ATP13A5: variants seen among roughly 807,000 people sequenced by gnomAD.
ATP13A5 encodes ATPase 13A5, also known as probable cation-transporting ATPase 13A5.
ATP13A5 carries 149 observed loss-of-function variants against 150.2 expected under a neutral mutation model. The ratio of observed to expected loss-of-function variants is 0.99; its 90% confidence interval spans 0.87 to 1.14. ATP13A5 has a LOEUF of 1.14. ATP13A5 is among the 50% of genes most tolerant of loss of function. The pLI is 0.00. For synonymous variants in ATP13A5, 497 were observed against 522.2 expected (o/e 0.95, Z 0.66); for missense variants, 1,383 against 1,449.3 (o/e 0.95, Z 0.74).
intron 1 of ATP13A5, among the ~76,000 whole-genome samples, chr3:193,375,160 A>C (rs1713594041): frequency 6.6e-6 from 1 of 152,206 alleles, no homozygotes; most frequent in African/African-American, 2.4e-5. Context: ...GTATTTCTCA[A>C]ACCTGATAGG....
intron 13 of ATP13A5, among the ~76,000 whole-genome samples, chr3:193,326,467 C>T (rs1227686090): frequency 6.6e-6 from 1 of 152,186 alleles, no homozygotes; most frequent in East Asian, 1.9e-4. Flanking sequence ...CTTTGATTCA[C>T]TAAATTTCAA....
intron 12 of ATP13A5, among the ~76,000 whole-genome samples, chr3:193,330,494 G>T (rs538385801): frequency 3.3e-4 from 51 of 152,372 alleles, no homozygotes; most frequent in African/African-American, 1.2e-3. Context: ...CTGAGGGCAG[G>T]ATCCAAATAG....
At chr3:193,321,885 T>G (rs1245643794) in intron 15 of ATP13A5, 48 bp from the exon 16 acceptor site, 3 of 1,596,722 alleles carry the variant, frequency 1.9e-6, no homozygotes, top group Non-Finnish European at 2.6e-6. Flanking sequence ...CTAAGTGATA[T>G]TTCCAAATGC....
rs373425517 is a variant in ATP13A5, at chr3:193,334,924, C to T, written c.1114+5G>A. 72 of 1,611,714 alleles carry T rather than the reference C, an allele frequency of 4.5e-5. No homozygotes were observed. Among genetic ancestry groups the T allele is most frequent in the Non-Finnish European group, 5.9e-5 (70 of 1,178,596 alleles). ...ATTAAACTTACAAAAGTGGAATCCA[C>T]TAACCTGTTTGCAAAACGACTGCTC... On this transcript the variant is annotated splice_donor_5th_base_variant and intron_variant, in intron 10 of 29. Coordinates refer to ENST00000342358, the MANE Select transcript of ATP13A5 (RefSeq NM_198505.4).
chr3:193,310,575 A>G (rs1460712821), intron 21 of ATP13A5, 63 bp downstream of exon 21: 2 of 1,324,054 alleles, frequency 1.5e-6, no homozygotes, highest in Non-Finnish European at 2.1e-6. Flanking sequence ...TCACACCTGA[A>G]TTATTGACCC....
At chr3:193,370,058 C>T (rs144109436) in intron 1 of ATP13A5, among the ~76,000 whole-genome samples, 229 of 152,262 alleles carry the variant, frequency 1.5e-3, no homozygotes, top group African/African-American at 5.3e-3. Context: ...AGTTGAATAG[C>T]ACAGAAATTG....
rs1388586967 is a variant in ATP13A5 at position 193,363,309 on chromosome 3, T to C, written c.311A>G (p.Lys104Arg). ...YLSTLKFPVS[K>R]KWEESLVADR... ...AGCCACCAGGGATTCTTCCCACTTC[T>C]TGCTTACAGGAAACTTCAGTGTGGA... Residue 104 changes from lysine to arginine, a missense_variant, in exon 3 of 30, where the codon AAG (lysine) becomes AGG (arginine). Coordinates refer to ENST00000342358, the MANE Select transcript of ATP13A5 (RefSeq NM_198505.4). 3 of 1,614,004 alleles carry C rather than the reference T, an allele frequency of 1.9e-6. No individual in the cohort carries two copies. The highest frequency in any genetic ancestry group is 2.5e-6 in the Non-Finnish European group (3 of 1,179,872).
intron 25 of ATP13A5, among the ~76,000 whole-genome samples, chr3:193,294,221 A>G (rs746737402): frequency 7.3e-6 from 1 of 136,792 alleles, no homozygotes; most frequent in Non-Finnish European, 1.6e-5. Flanking sequence ...ACCTGGAAAT[A>G]AAGAAAGTGA....
chr3:193,298,332 A>G (rs1376686104), intron 25 of ATP13A5, among the ~76,000 whole-genome samples: 1 of 152,172 alleles, frequency 6.6e-6, no homozygotes, highest in Non-Finnish European at 1.5e-5. Flanking sequence ...AACTATGAAT[A>G]GACATTTCAA....
At chr3:193,294,776 C>T (rs1718097205) in intron 25 of ATP13A5, among the ~76,000 whole-genome samples, 2 of 152,082 alleles carry the variant, frequency 1.3e-5, no homozygotes, top group Admixed American at 6.6e-5. Flanking sequence ...GTTGAAAATA[C>T]ATTTATGCTG....
chr3:193,324,718 C>A lies in ATP13A5; in HGVS notation c.1674+146G>T. ...CCATTAACAGAATTCTTTGGGGGCA[C>A]AGGTTGGGAAGTTCTGGTAGTGTTA... On this transcript the variant is annotated intron_variant, in intron 14 of 29. Transcript: ENST00000342358. The A allele has an allele frequency of 3.7e-6, 3 of 814,126 alleles. No individual in the cohort carries two copies. In the South Asian group the frequency reaches 6.6e-5, roughly 18 times the overall value. 50.4% of individuals were successfully genotyped at this position (814,126 alleles called of 1,614,324 possible). A position where few individuals can be genotyped will look rare whatever the true frequency, so the allele number is the denominator to read the frequency against.
At chr3:193,313,893 G>T in intron 19 of ATP13A5, 140 bp downstream of exon 19, 1 of 996,954 alleles carries the variant, frequency 1.0e-6, no homozygotes, top group Non-Finnish European at 1.4e-6. Context: ...TGGCAGAAAT[G>T]CTTTGCAAAC....
chr3:193,331,320 G>A lies in ATP13A5; in HGVS notation c.1273-9C>T. The A allele has an allele frequency of 6.2e-7, 1 of 1,610,044 alleles. No individual in the cohort carries two copies. Among genetic ancestry groups the A allele is most frequent in the East Asian group, 2.2e-5 (1 of 44,814 alleles). Reference sequence around the variant, plus strand: ...GTATCTTTTGGAGGAACCTGGGAGAGGACAGACATTTTCATACAGGATAGC... The same window carrying A: ...GTATCTTTTGGAGGAACCTGGGAGAAGACAGACATTTTCATACAGGATAGC... On this transcript the variant is annotated splice_polypyrimidine_tract_variant and intron_variant, in intron 11 of 29. Coordinates refer to ENST00000342358, the MANE Select transcript of ATP13A5 (RefSeq NM_198505.4).
chr3:193,366,051 G>A (rs1034617012), intron 1 of ATP13A5, among the ~76,000 whole-genome samples: 9 of 151,960 alleles, frequency 5.9e-5, no homozygotes, highest in African/African-American at 2.2e-4. Flanking sequence ...CATATACAAC[G>A]TTCAGTGCAG....
At chr3:193,325,943 C>T (rs1719452167) in intron 13 of ATP13A5, among the ~76,000 whole-genome samples, 1 of 152,144 alleles carries the variant, frequency 6.6e-6, no homozygotes, top group Non-Finnish European at 1.5e-5. Flanking sequence ...CAATAGATTC[C>T]TTGCCTGTCT....
chr3:193,284,820 C>T (rs896699857), intron 27 of ATP13A5, 94 bp downstream of exon 27: 2 of 1,056,334 alleles, frequency 1.9e-6, no homozygotes, highest in Non-Finnish European at 2.7e-6. Flanking sequence ...TTGTTTCTTC[C>T]TCAGCCCATC....
chr3:193,365,542 T>A (rs996367137), intron 1 of ATP13A5, among the ~76,000 whole-genome samples: 7 of 152,166 alleles, frequency 4.6e-5, no homozygotes, highest in Non-Finnish European at 1.0e-4. Context: ...GCTTTAGTTT[T>A]ATTTGTGAAT....
At chr3:193,292,926 T>C (rs1196750688) in intron 25 of ATP13A5, among the ~76,000 whole-genome samples, 2 of 152,262 alleles carry the variant, frequency 1.3e-5, no homozygotes, top group East Asian at 3.9e-4. Flanking sequence ...TATACCTGAT[T>C]ATAAATAAAA....
At position 193,311,944 on chromosome 3, in the gene ATP13A5, A is replaced by G; in HGVS notation, c.2320-3T>C. The G allele has an allele frequency of 1.2e-6, 2 of 1,613,544 alleles. No individual in the cohort carries two copies. Among genetic ancestry groups the G allele is most frequent in the Non-Finnish European group, 1.7e-6 (2 of 1,179,678 alleles). On this transcript the variant is annotated splice_region_variant and splice_polypyrimidine_tract_variant and intron_variant, in intron 19 of 29. Transcript: ENST00000342358. The stretch of plus-strand genomic sequence containing the variant: ...TTTCCAGTATGCATGTAGATTTCCT[A>G]AAATCAAAAGGGCATCATTTCTACA...
Sources: allele counts gnomAD v4.1 joint callset (sites outside exome capture counted in the v4.1 genomes callset), GRCh38; gene constraint gnomAD v4.1.1; transcripts MANE v1.5; gene names NCBI Gene and HGNC (gene_info 2026-07-23, HGNC 2026-07-21).